The following RPRD1A variants were observed in gnomAD, a reference collection of about 807,000 sequenced individuals.
RPRD1A encodes the protein regulation of nuclear pre-mRNA domain-containing protein 1A.
Under a neutral mutation model 37.8 loss-of-function variants are expected in RPRD1A, and 9 were observed. The ratio of observed to expected loss-of-function variants is 0.24; its 90% CI spans 0.14 to 0.42. The LOEUF (loss-of-function observed/expected upper bound fraction) is 0.42. Ranked by LOEUF, RPRD1A falls within the 10% of genes least tolerant of loss-of-function variation. The pLI is 1.00. For missense variants in RPRD1A, 255 were observed against 371.0 expected (o/e 0.69, Z 2.57); for synonymous variants, 138 against 139.7 (o/e 0.99, Z 0.08).
intron 1 of RPRD1A, among the ~76,000 whole-genome samples, chr18:36,054,458 T>C (rs1913622839): frequency 6.6e-6 from 1 of 152,124 alleles, no homozygotes; most frequent in Admixed American, 6.5e-5. Flanking sequence ...GCCACTGCAC[T>C]CCAGCCTGGG....
At chr18:36,067,223 G>A in intron 1 of RPRD1A, 31 bp downstream of exon 1, 2 of 1,536,072 alleles carry the variant, frequency 1.3e-6, no homozygotes, top group East Asian at 2.5e-5. Context: ...GCCGGGTGGT[G>A]GGAAGCGGCC....
chr18:36,028,498 T>C (rs1314007175), intron 4 of RPRD1A, among the ~76,000 whole-genome samples: 2 of 152,202 alleles, frequency 1.3e-5, no homozygotes, highest in Admixed American at 6.5e-5. Context: ...TAGAAAATTC[T>C]AATTGTCTGG....
In RPRD1A at chr18:35,990,605, G is replaced by A. The variant is rs950269780; in HGVS notation, c.*2546C>T. 1 of 152,174 alleles carries A rather than the reference G, an allele frequency of 6.6e-6. No individual in the cohort carries two copies. Among genetic ancestry groups the A allele is most frequent in the Admixed American group, 6.5e-5 (1 of 15,274 alleles). The allele number at this position is 152,174 out of a possible 1,614,324, so 9.4% of individuals were successfully genotyped here. A position where few individuals can be genotyped will look rare whatever the true frequency, so the allele number is the denominator to read the frequency against. On this transcript the variant is annotated 3_prime_UTR_variant, in exon 7 of 7. Transcript: ENST00000399022. ...CAGACAGCTCTCTGCACTGTATGTG[G>A]AGAAAAGAGTGATGGCATCCATTCA...
chr18:35,994,621 CATG>C (rs905291634), intron 6 of RPRD1A, among the ~76,000 whole-genome samples: 18 of 152,204 alleles, frequency 1.2e-4, no homozygotes, highest in African/African-American at 3.9e-4. Flanking sequence ...CATTTTTAAG[CATG>C]ATAACTGTGA....
chr18:36,003,306 C>T (rs1909535224), intron 6 of RPRD1A, among the ~76,000 whole-genome samples: 1 of 152,224 alleles, frequency 6.6e-6, no homozygotes, highest in African/African-American at 2.4e-5. Flanking sequence ...TAGTTTAACA[C>T]TAAACTAGCT....
In RPRD1A at chr18:36,033,901, T is replaced by C. The variant is rs1259244291; in HGVS notation, c.152-64A>G. 34 of 1,374,392 alleles carry C rather than the reference T, an allele frequency of 2.5e-5. No individual in the cohort carries two copies. The South Asian group carries it at 2.7e-4, about 11-fold the overall frequency. The allele number at this position is 1,374,392 out of a possible 1,614,324, so 85.1% of individuals were successfully genotyped here. On this transcript the variant is annotated intron_variant, in intron 1 of 6. Transcript: ENST00000399022. ...TCTTTACTTGGACAAACTTTCTCAA[T>C]ACCTAAATTAAGCATTTTGAGAACT...
chr18:36,034,718 C>T (rs1912067101), intron 1 of RPRD1A, among the ~76,000 whole-genome samples: 1 of 152,066 alleles, frequency 6.6e-6, no homozygotes, highest in Non-Finnish European at 1.5e-5. Context: ...ATGGTCAGGA[C>T]CAATTATGCA....
chr18:35,998,751 T>A (rs1207583995), intron 6 of RPRD1A, among the ~76,000 whole-genome samples: 1 of 152,222 alleles, frequency 6.6e-6, no homozygotes, highest in African/African-American at 2.4e-5. Context: ...GTTCTTAGCA[T>A]CCTTACTCTA....
intron 6 of RPRD1A, among the ~76,000 whole-genome samples, chr18:36,008,588 T>TATATATATATA (rs1304683314): frequency 7.4e-6 from 1 of 134,660 alleles, no homozygotes; most frequent in African/African-American, 2.9e-5. Context: ...TATATATATA[T>TATATATATATA]ATCTTTAAAA....
chr18:36,037,663 A>G (rs1279399014), intron 1 of RPRD1A, among the ~76,000 whole-genome samples: 2 of 152,202 alleles, frequency 1.3e-5, no homozygotes, highest in African/African-American at 2.4e-5. Context: ...GAGGGCTCTG[A>G]AGAAAACAGA....
intron 6 of RPRD1A, among the ~76,000 whole-genome samples, chr18:36,019,099 TTGA>T (rs1910806965): frequency 6.7e-6 from 1 of 148,754 alleles, no homozygotes; most frequent in Non-Finnish European, 1.5e-5. Flanking sequence ...ATGGGGACCA[TTGA>T]TTTTTTTTTT....
chr18:36,063,466 C>A (rs1161508901), intron 1 of RPRD1A, among the ~76,000 whole-genome samples: 1 of 144,328 alleles, frequency 6.9e-6, no homozygotes, highest in Non-Finnish European at 1.5e-5. Context: ...CAGTACCCAG[C>A]TCATTCTTTT....
intron 6 of RPRD1A, among the ~76,000 whole-genome samples, chr18:36,020,733 G>A (rs1035990038): frequency 6.6e-6 from 1 of 152,076 alleles, no homozygotes; most frequent in Non-Finnish European, 1.5e-5. Flanking sequence ...GGGAGGCTGA[G>A]GCAGGAGGTG....
intron 6 of RPRD1A, among the ~76,000 whole-genome samples, chr18:36,000,856 A>C (rs1909372996): frequency 6.6e-6 from 1 of 152,316 alleles, no homozygotes; most frequent in South Asian, 2.1e-4. Flanking sequence ...ATGCTTTACC[A>C]TTATGCTAAC....
chr18:36,005,287 C>A (rs1054681674), intron 6 of RPRD1A, among the ~76,000 whole-genome samples: 1 of 151,624 alleles, frequency 6.6e-6, no homozygotes, highest in Middle Eastern at 3.4e-3. Context: ...GGCAACAGAG[C>A]GAGACTCTGT....
intron 1 of RPRD1A, among the ~76,000 whole-genome samples, chr18:36,051,893 G>GA (rs1332694398): frequency 6.6e-6 from 1 of 152,102 alleles, no homozygotes; most frequent in Non-Finnish European, 1.5e-5. Flanking sequence ...AGAAAAGCAA[G>GA]AGAGAGGGAT....
chr18:35,992,713 C>G lies in RPRD1A; in HGVS notation c.*438G>C, dbSNP rs1908783567. On this transcript the variant is annotated 3_prime_UTR_variant, in exon 7 of 7. Transcript: ENST00000399022. Reference sequence around the variant, plus strand: ...TGGAACATTTAGTCCCTTCTACAATCAAGTCCTAACTATACCATAATAAAG... The same window carrying G: ...TGGAACATTTAGTCCCTTCTACAATGAAGTCCTAACTATACCATAATAAAG... 1 of 152,908 alleles carries G rather than the reference C, an allele frequency of 6.5e-6. No homozygotes were observed. Among genetic ancestry groups the G allele is most frequent in the South Asian group, 2.1e-4 (1 of 4,838 alleles). 9.5% of individuals were successfully genotyped at this position (152,908 alleles called of 1,614,324 possible).
intron 6 of RPRD1A, among the ~76,000 whole-genome samples, chr18:36,001,213 C>T (rs917934038): frequency 2.0e-5 from 3 of 152,158 alleles, no homozygotes; most frequent in African/African-American, 7.2e-5. Context: ...GCCAGGAAAG[C>T]TGAACCTCCT....
At chr18:36,003,474 T>C (rs1427113586) in intron 6 of RPRD1A, among the ~76,000 whole-genome samples, 1 of 152,200 alleles carries the variant, frequency 6.6e-6, no homozygotes, top group Non-Finnish European at 1.5e-5. Flanking sequence ...AAGAAATAAA[T>C]GCAGTGTTTC....
Sources: allele counts gnomAD v4.1 joint callset (sites outside exome capture counted in the v4.1 genomes callset), GRCh38; gene constraint gnomAD v4.1.1; transcripts MANE v1.5; gene names NCBI Gene and HGNC (gene_info 2026-07-23, HGNC 2026-07-21).